The following PRKCB variants were observed in gnomAD, a reference collection of about 807,000 sequenced individuals.
PRKCB encodes the protein protein kinase C beta type.
A neutral mutation model predicts 81.5 loss-of-function variants in PRKCB; 13 were observed. The ratio of observed to expected loss-of-function variants is 0.16; its 90% CI spans 0.10 to 0.25. The LOEUF is 0.25. PRKCB is among the 10% of genes least tolerant of loss of function. The pLI is 1.00. For missense variants in PRKCB, 509 were observed against 875.7 expected (o/e 0.58, Z 5.29); for synonymous variants, 335 against 321.4 (o/e 1.04, Z -0.45).
At chr16:23,995,927 A>G (rs1964950408) in intron 3 of PRKCB, among the ~76,000 whole-genome samples, 1 of 152,034 alleles carries the variant, frequency 6.6e-6, no homozygotes, top group Non-Finnish European at 1.5e-5. Flanking sequence ...TAGTCACTTT[A>G]GGACATCCCT....
chr16:24,152,848 C>T (rs1596571365), intron 9 of PRKCB, among the ~76,000 whole-genome samples: 1 of 130,770 alleles, frequency 7.6e-6, no homozygotes, highest in African/African-American at 3.1e-5. Context: ...GGCAGCTTTT[C>T]TTTTTTATTG....
chr16:24,106,931 T>G (rs1966585964), intron 7 of PRKCB, among the ~76,000 whole-genome samples: 1 of 152,192 alleles, frequency 6.6e-6, no homozygotes, highest in Non-Finnish European at 1.5e-5. Context: ...TTCCTCCTCC[T>G]CCTTTTCATG....
chr16:24,042,947 G>T (rs1965721252), intron 5 of PRKCB, among the ~76,000 whole-genome samples: 1 of 152,092 alleles, frequency 6.6e-6, no homozygotes, highest in Non-Finnish European at 1.5e-5. Context: ...ATGTTGCCTA[G>T]GCTGGTCTTG....
At chr16:24,087,948 CTT>C (rs1380259067) in intron 5 of PRKCB, among the ~76,000 whole-genome samples, 1 of 152,186 alleles carries the variant, frequency 6.6e-6, no homozygotes, top group Non-Finnish European at 1.5e-5. Context: ...CTCCTGTACT[CTT>C]TGCAAACTTC....
chr16:23,909,401 A>G (rs561923212), intron 2 of PRKCB, among the ~76,000 whole-genome samples: 1 of 152,268 alleles, frequency 6.6e-6, no homozygotes, highest in East Asian at 1.9e-4. Flanking sequence ...TGGCTTATAG[A>G]TAACCTCTTT....
At chr16:23,838,549 G>T (rs1163903117) in intron 2 of PRKCB, among the ~76,000 whole-genome samples, 2 of 152,208 alleles carry the variant, frequency 1.3e-5, no homozygotes, top group African/African-American at 4.8e-5. Context: ...ATCTTTAGGG[G>T]CAAAGTGACC....
chr16:24,052,995 CAACTCTTTA>C (rs2141871580), intron 5 of PRKCB, among the ~76,000 whole-genome samples: 1 of 152,304 alleles, frequency 6.6e-6, no homozygotes, highest in African/African-American at 2.4e-5. Context: ...ACACTATTTT[CAACTCTTTA>C]AACTCTTTCT....
At position 24,026,996 on chromosome 16, in the gene PRKCB, G is replaced by T. The variant is rs576278341; in HGVS notation, c.289-5140G>T. 3.3e-5 allele frequency among the ~76,000 whole-genome samples: 5 copies of T among 152,220 alleles called. No individual in the cohort carries two copies. In the South Asian group the frequency reaches 6.2e-4, roughly 19 times the overall value. On this transcript the variant is annotated intron_variant, in intron 3 of 16. Transcript: ENST00000643927. ...AGGCCAATACCAGTCATGAACAGGGGTTCCTTTTTTATTATTATTATACTT... is the reference window on the plus strand; with the variant it reads ...AGGCCAATACCAGTCATGAACAGGGTTTCCTTTTTTATTATTATTATACTT...
intron 1 of PRKCB, 146 bp downstream of exon 1, chr16:23,836,494 C>T (rs1390327062): frequency 4.6e-6 from 6 of 1,291,222 alleles, no homozygotes; most frequent in Non-Finnish European, 6.2e-6. Context: ...ACCCTGCTGC[C>T]CGGGACTCCC....
intron 2 of PRKCB, among the ~76,000 whole-genome samples, chr16:23,872,995 T>C (rs1217578120): frequency 1.3e-5 from 2 of 150,242 alleles, no homozygotes; most frequent in Admixed American, 6.7e-5. Flanking sequence ...CTGACCAACA[T>C]GGTGAAACCC....
At chr16:24,042,423 A>G (rs1024778818) in intron 5 of PRKCB, among the ~76,000 whole-genome samples, 4 of 152,060 alleles carry the variant, frequency 2.6e-5, no homozygotes, top group Non-Finnish European at 5.9e-5. Flanking sequence ...TCCCTTTTAC[A>G]TTATTGGTTT....
chr16:24,069,192 G>A (rs755309858), intron 5 of PRKCB, among the ~76,000 whole-genome samples: 20 of 152,096 alleles, frequency 1.3e-4, no homozygotes, highest in Non-Finnish European at 8.8e-5. Context: ...TGACTAATTT[G>A]GTATAGAAAG....
intron 2 of PRKCB, among the ~76,000 whole-genome samples, chr16:23,899,871 G>A (rs12924765): frequency 3.7e-4 from 8 of 21,482 alleles, no homozygotes; most frequent in Admixed American, 8.0e-4. Flanking sequence ...ATTTATTGTA[G>A]AGATAGGGCC....
At chr16:24,016,077 C>A (rs1965273486) in intron 3 of PRKCB, among the ~76,000 whole-genome samples, 1 of 152,102 alleles carries the variant, frequency 6.6e-6, no homozygotes, top group South Asian at 2.1e-4. Context: ...CCTCACAAAA[C>A]AAATATTGTT....
intron 5 of PRKCB, among the ~76,000 whole-genome samples, chr16:24,077,628 C>T (rs993543297): frequency 6.6e-6 from 1 of 152,180 alleles, no homozygotes; most frequent in African/African-American, 2.4e-5. Context: ...TAAATGTATC[C>T]AGCACTCTCT....
At chr16:23,856,682 C>A (rs931353078) in intron 2 of PRKCB, among the ~76,000 whole-genome samples, 1 of 152,054 alleles carries the variant, frequency 6.6e-6, no homozygotes, top group Non-Finnish European at 1.5e-5. Context: ...TGCCATCATG[C>A]CTGGCTAATT....
At chr16:23,837,051 T>G (rs1008918064) in intron 1 of PRKCB, among the ~76,000 whole-genome samples, 1 of 152,156 alleles carries the variant, frequency 6.6e-6, no homozygotes, top group African/African-American at 2.4e-5. Context: ...TCTTTATCTC[T>G]TCTCTTTTCC....
chr16:23,836,100 G>T lies in PRKCB; in HGVS notation c.-76G>T. ...TGCAGCAGCGGCCGCCGCCTCCCGC[G>T]CCTCCCCGGCCCGCAGCCCGCGGTC... is the stretch of plus-strand genomic sequence containing the variant. On this transcript the variant is annotated 5_prime_UTR_variant, in exon 1 of 17. Coordinates refer to ENST00000643927, the MANE Select transcript of PRKCB (RefSeq NM_002738.7). 1 of 1,039,220 alleles carries T rather than the reference G, an allele frequency of 9.6e-7. No homozygotes were observed. 64.4% of individuals were successfully genotyped at this position (1,039,220 alleles called of 1,614,324 possible).
intron 2 of PRKCB, among the ~76,000 whole-genome samples, chr16:23,926,461 G>A (rs1963897876): frequency 1.2e-5 from 1 of 80,946 alleles, no homozygotes. Flanking sequence ...TCCAGCCTGG[G>A]CGACAGAGTG....
Sources: allele counts gnomAD v4.1 joint callset (sites outside exome capture counted in the v4.1 genomes callset), GRCh38; gene constraint gnomAD v4.1.1; transcripts MANE v1.5; gene names NCBI Gene and HGNC (gene_info 2026-07-23, HGNC 2026-07-21).